Variants in ERAP1 observed in about 807,000 individuals in gnomAD.
ERAP1 encodes endoplasmic reticulum aminopeptidase 1.
Under a neutral mutation model 103.7 loss-of-function variants are expected in ERAP1, and 86 were observed. That is an observed-to-expected ratio of 0.83 (90% CI 0.70 to 0.99). The LOEUF is 0.99. Among genes scored for constraint, ERAP1 ranks in the 50% least tolerant of loss-of-function variants. The probability of loss-of-function intolerance (pLI) is 0.00; values close to 1 mark genes in which losing one functional copy is unlikely to be tolerated. For missense variants in ERAP1, 1,009 were observed against 1,128.4 expected (o/e 0.89, Z 1.52); for synonymous variants, 398 against 402.4 (o/e 0.99, Z 0.13).
At chr5:96,872,571 C>T in the ERAP1 span, among the ~76,000 whole-genome samples, 1 of 152,112 alleles carries the variant, frequency 6.6e-6, no homozygotes, top group Non-Finnish European at 1.5e-5. Context: ...TGCATTACAG[C>T]CTGGGCAACA....
At chr5:96,883,784 T>A in the ERAP1 span, 6 of 1,608,854 alleles carry the variant, frequency 3.7e-6, no homozygotes, top group Middle Eastern at 3.3e-4. Context: ...GGGTGGGTCT[T>A]TTCACAGAAT....
At chr5:96,896,255 C>T in the ERAP1 span, 1 of 782,784 alleles carries the variant, frequency 1.3e-6, no homozygotes, top group Admixed American at 3.2e-5. Context: ...GAAACATCTC[C>T]CAAGAAATAT....
At chr5:96,903,486 G>C in the ERAP1 span, 1 of 1,614,030 alleles carries the variant, frequency 6.2e-7, no homozygotes, top group Non-Finnish European at 8.5e-7. Context: ...TCATTACACA[G>C]CTGAATCAGA....
rs1776621487 is a variant in ERAP1 at position 96,790,559 on chromosome 5, T to C, written c.1405A>G (p.Ser469Gly). Residue 469 changes from serine to glycine, a missense_variant, in exon 9 of 19, where the codon AGC becomes GGC. Around this residue, in one of 3 missense-constraint regions of ERAP1, gnomAD observed 611 missense variants for 651.7 expected, o/e 0.94. Coordinates refer to ENST00000443439, the MANE Select transcript of ERAP1 (RefSeq NM_001040458.3). ...SGIVQYLQKH[S>G]YKNTKNEDLW... ...TCCTCGTTTTTTGTATTTTTATAGCTATGCTTCTGGAGATACTGTACAATA... is the reference window on the plus strand; with the variant it reads ...TCCTCGTTTTTTGTATTTTTATAGCCATGCTTCTGGAGATACTGTACAATA... The C allele has an allele frequency of 6.2e-7, 1 of 1,613,938 alleles. No homozygotes were observed. Among genetic ancestry groups the C allele is most frequent in the South Asian group, 1.1e-5 (1 of 91,084 alleles).
intron 19 of ERAP1, chr5:96,767,847 C>T: frequency 1.1e-6 from 1 of 951,450 alleles, no homozygotes; most frequent in Non-Finnish European, 1.7e-6. Context: ...TGGGAAAAGA[C>T]CCCATATTGC....
chr5:96,818,333 ACT>A, the ERAP1 span, among the ~76,000 whole-genome samples: 1 of 150,904 alleles, frequency 6.6e-6, no homozygotes, highest in Non-Finnish European at 1.5e-5. Flanking sequence ...CAACACCTCC[ACT>A]CTCTGGCCAC....
the ERAP1 span, among the ~76,000 whole-genome samples, chr5:96,867,929 C>T: frequency 6.6e-6 from 1 of 151,984 alleles, no homozygotes; most frequent in East Asian, 1.9e-4. Flanking sequence ...CAAAAATGAG[C>T]CAGGTTTGGT....
At chr5:96,931,137 T>C in the ERAP1 span, among the ~76,000 whole-genome samples, 1 of 151,304 alleles carries the variant, frequency 6.6e-6, no homozygotes, top group Admixed American at 6.6e-5. Context: ...GGTCATCTCC[T>C]AAGGCCAGTT....
At position 96,803,581 on chromosome 5, in the gene ERAP1, A is replaced by G. The variant is rs768397170; in HGVS notation, c.346T>C (p.Ser116Pro). 1 of 1,614,036 alleles carries G rather than the reference A, an allele frequency of 6.2e-7. No individual in the cohort carries two copies. The highest frequency in any genetic ancestry group is 1.6e-4 in the Middle Eastern group (1 of 6,062). The change falls in exon 2 of 19, where the codon TCG (serine) becomes CCG (proline). Residue 116 changes from serine (S) to proline (P), a missense_variant. Ser to Pro is a moderately conservative substitution (Grantham distance 74). Coordinates refer to ENST00000443439, the MANE Select transcript of ERAP1 (RefSeq NM_001040458.3). ...TCCAGGACCTGCAGGGGTTCTTCCG[A>G]TAGCCTCTCTCCAGCTCCCTTCCTG... is the stretch of plus-strand genomic sequence containing the variant. ...TLRKGAGERL[S>P]EEPLQVLEHP... is the part of the protein sequence containing the mutation.
At chr5:96,819,018 C>T in the ERAP1 span, among the ~76,000 whole-genome samples, 2 of 151,974 alleles carry the variant, frequency 1.3e-5, no homozygotes, top group Admixed American at 6.6e-5. Flanking sequence ...CTCCGCCTTC[C>T]AGGTTCAAGC....
At chr5:96,784,198 T>C in intron 13 of ERAP1, 118 bp from the exon 14 acceptor site, 3 of 1,128,118 alleles carry the variant, frequency 2.7e-6, no homozygotes, top group Non-Finnish European at 3.9e-6. Context: ...ATGTCCCTTA[T>C]AAATAGATAA....
the ERAP1 span, chr5:96,814,309 C>T: frequency 2.2e-6 from 1 of 456,238 alleles, no homozygotes; most frequent in Middle Eastern, 3.3e-4. Context: ...GTTTCTCTCA[C>T]ACTAAAAGAA....
chr5:96,872,216 G>T, the ERAP1 span, among the ~76,000 whole-genome samples: 3 of 151,908 alleles, frequency 2.0e-5, no homozygotes, highest in East Asian at 5.8e-4. Flanking sequence ...CAAGCATCTA[G>T]CACTGTCAGG....
At chr5:96,877,847 G>A in the ERAP1 span, among the ~76,000 whole-genome samples, 1 of 117,910 alleles carries the variant, frequency 8.5e-6, no homozygotes, top group Non-Finnish European at 1.8e-5. Context: ...TTAAAAAGAG[G>A]GAGAAGTATC....
chr5:96,786,230 C>T (rs1490699052), intron 12 of ERAP1, among the ~76,000 whole-genome samples: 1 of 152,166 alleles, frequency 6.6e-6, no homozygotes, highest in East Asian at 1.9e-4. Flanking sequence ...TGATATAACC[C>T]AGTAATGTTA....
chr5:96,797,097 G>A, intron 4 of ERAP1, 78 bp downstream of exon 4: 1 of 1,579,478 alleles, frequency 6.3e-7, no homozygotes, highest in Non-Finnish European at 8.7e-7. Flanking sequence ...ACTGCGCTCA[G>A]GCAGACTTCC....
intron 15 of ERAP1, among the ~76,000 whole-genome samples, chr5:96,782,322 TA>T (rs1180830684): frequency 6.6e-6 from 1 of 151,716 alleles, no homozygotes; most frequent in Non-Finnish European, 1.5e-5. Flanking sequence ...TTACACTTTA[TA>T]AAAAAAAGGC....
the ERAP1 span, among the ~76,000 whole-genome samples, chr5:96,820,654 G>A: frequency 1.3e-5 from 2 of 151,816 alleles, no homozygotes; most frequent in Non-Finnish European, 2.9e-5. Context: ...AAGCTATGTT[G>A]TTTGCTAAAT....
rs367924156 is a variant in ERAP1, at chr5:96,792,258, G to A, written c.1189-66C>T. ...ATTTAGATAAAAAATGTCAAAGGTG[G>A]GACATTTTATCTGAGGCAAGAAGTC... On this transcript the variant is annotated intron_variant, in intron 7 of 18. Coordinates refer to ENST00000443439, the MANE Select transcript of ERAP1 (RefSeq NM_001040458.3). The A allele has an allele frequency of 1.8e-3, 2,800 of 1,534,726 alleles. 27 individuals are homozygous for A. Among genetic ancestry groups the A allele is most frequent in the South Asian group, 0.016 (1,446 of 89,060 alleles).
Sources: allele counts gnomAD v4.1 joint callset (sites outside exome capture counted in the v4.1 genomes callset), GRCh38; gene constraint gnomAD v4.1.1; regional missense constraint gnomAD v4.1.1; transcripts MANE v1.5; gene names NCBI Gene and HGNC (gene_info 2026-07-23, HGNC 2026-07-21).